Variants in ZFYVE26 observed in about 807,000 individuals in gnomAD.
ZFYVE26 encodes the protein zinc finger FYVE-type containing 26.
ZFYVE26 carries 181 observed loss-of-function variants against 276.5 expected under a neutral mutation model. That is an observed-to-expected ratio of 0.65 (90% CI 0.58 to 0.74). The LOEUF (loss-of-function observed/expected upper bound fraction) is 0.74, where lower values mean the gene tolerates loss of function less well. Ranked by LOEUF, ZFYVE26 falls within the 30% of genes least tolerant of loss-of-function variation. The pLI is 0.00. For missense variants in ZFYVE26, 2,821 were observed against 3,097.9 expected (o/e 0.91, Z 2.12); for synonymous variants, 1,129 against 1,203.1 (o/e 0.94, Z 1.27).
chr14:67,776,098 C>A lies in ZFYVE26; in HGVS notation c.4983G>T (p.Leu1661=). The A allele has an allele frequency of 1.2e-6, 2 of 1,614,098 alleles. No individual in the cohort carries two copies. Among genetic ancestry groups the A allele is most frequent in the South Asian group, 2.2e-5 (2 of 91,046 alleles). Residue 1661 remains leucine, a synonymous_variant, in exon 26 of 42, where the codon CTG becomes CTT. Coordinates refer to ENST00000347230, the MANE Select transcript of ZFYVE26 (RefSeq NM_015346.4). ...QALYVGSKIL[L]TLPEQHRASY... Reference sequence around the variant, plus strand: ...TGGCCCGGTGCTGCTCAGGCAGGGTCAGCAGAATCTGTTTGTGGGGTAGAT... The same window carrying A: ...TGGCCCGGTGCTGCTCAGGCAGGGTAAGCAGAATCTGTTTGTGGGGTAGAT...
intron 35 of ZFYVE26, among the ~76,000 whole-genome samples, chr14:67,757,640 G>GTCTTTCTTTCTTTCTTTCTTTCTTTCTT (rs57285258): frequency 6.7e-6 from 1 of 148,898 alleles, no homozygotes; most frequent in Admixed American, 6.7e-5. Context: ...AGATATTTTT[G>GTCTTTCTTTCTTTCTTTCTTTCTTTCTT]TCTTTCTTTC....
chr14:67,783,645 C>CT, intron 20 of ZFYVE26, 120 bp from the exon 21 acceptor site: 1 of 1,344,898 alleles, frequency 7.4e-7, no homozygotes, highest in Non-Finnish European at 1.0e-6. Context: ...TTGTCACACT[C>CT]TTTTTTTAAA....
intron 9 of ZFYVE26, among the ~76,000 whole-genome samples, chr14:67,803,398 G>A (rs1222797367): frequency 6.6e-6 from 1 of 152,156 alleles, no homozygotes; most frequent in African/African-American, 2.4e-5. Context: ...CTGGAGTACA[G>A]TGGCACCATC....
chr14:67,769,489 T>C (rs1871258579), intron 29 of ZFYVE26, 105 bp downstream of exon 29: 5 of 1,533,298 alleles, frequency 3.3e-6, no homozygotes, highest in Non-Finnish European at 1.8e-6. Context: ...ATGTTAAACA[T>C]TTCTGGATTT....
chr14:67,761,000 A>G (rs1381339593), intron 35 of ZFYVE26: 4 of 542,542 alleles, frequency 7.4e-6, no homozygotes. Flanking sequence ...ATCCCAGGCC[A>G]GGTAGGGAGG....
intron 13 of ZFYVE26, 125 bp downstream of exon 13, chr14:67,794,046 C>A: frequency 1.8e-6 from 2 of 1,082,756 alleles, no homozygotes; most frequent in South Asian, 1.3e-5. Context: ...CAGCTAAAAT[C>A]TGGCCATCTG....
At chr14:67,794,084 T>TTA in intron 13 of ZFYVE26, 87 bp downstream of exon 13, 1 of 1,430,258 alleles carries the variant, frequency 7.0e-7, no homozygotes, top group South Asian at 1.2e-5. Context: ...CCTTGACTGC[T>TTA]CAATCCTGGC....
In ZFYVE26 at chr14:67,798,391, G is replaced by A. The variant is rs2040004631; in HGVS notation, c.1871C>T (p.Ala624Val). The change falls in exon 11 of 42, where the codon GCA becomes GTA. Residue 624 changes from alanine to valine, a missense_variant. By Grantham distance (64) the Ala-to-Val change is moderately conservative (BLOSUM62 0). Transcript: ENST00000347230. ...CCGTTCTGACTTCCTTTCAGGATGT[G>A]CTATGTGCTGAGGGCTCTCTGATGG... ...RSPSESPQHI[A>V]HPERKSERGS... 1 of 1,612,404 alleles carries A rather than the reference G, an allele frequency of 6.2e-7. No individual in the cohort carries two copies. The highest frequency in any genetic ancestry group is 8.5e-7 in the Non-Finnish European group (1 of 1,178,896).
chr14:67,805,363 A>T (rs1487442911), intron 7 of ZFYVE26, 58 bp from the exon 8 acceptor site: 2 of 1,613,560 alleles, frequency 1.2e-6, no homozygotes, highest in Non-Finnish European at 1.7e-6. Context: ...GTTACAGATT[A>T]TGACTGATTT....
chr14:67,805,101 T>A (rs1265390690), intron 8 of ZFYVE26, 116 bp downstream of exon 8: 10 of 970,684 alleles, frequency 1.0e-5, no homozygotes, highest in African/African-American at 1.6e-5. Context: ...TAGTAGCTGG[T>A]CAACATTGCC....
intron 6 of ZFYVE26, 148 bp from the exon 7 acceptor site, chr14:67,805,766 T>G: frequency 1.1e-6 from 1 of 951,452 alleles, no homozygotes; most frequent in Non-Finnish European, 1.6e-6. Context: ...TAGTGGCTCA[T>G]GCCTGTAATC....
intron 23 of ZFYVE26, among the ~76,000 whole-genome samples, chr14:67,778,988 G>A (rs1013205797): frequency 6.6e-6 from 1 of 152,130 alleles, no homozygotes; most frequent in Non-Finnish European, 1.5e-5. Flanking sequence ...TCCAAAATGT[G>A]AGCCACTCCA....
At chr14:67,799,419 A>C (rs1279983091) in intron 10 of ZFYVE26, 2 of 1,612,936 alleles carry the variant, frequency 1.2e-6, no homozygotes, top group African/African-American at 2.7e-5. Context: ...GAAGAGGCCA[A>C]AGAAGCAGAA....
Position 67,785,230 on chromosome 14 carries a change from T to G in ZFYVE26, c.3352A>C (p.Lys1118Gln). The G allele has an allele frequency of 6.2e-7, 1 of 1,613,548 alleles. No individual in the cohort carries two copies. Among genetic ancestry groups the G allele is most frequent in the Non-Finnish European group, 8.5e-7 (1 of 1,179,672 alleles). Reference sequence around the variant, plus strand: ...GGGTGGGCCTCTGCCTCTGGAGCTTTCTGGGCTGCCTGCTCCACCAGGGAA... The same window carrying G: ...GGGTGGGCCTCTGCCTCTGGAGCTTGCTGGGCTGCCTGCTCCACCAGGGAA... The part of the protein sequence containing the change: ...LSSLVEQAAQ[K>Q]APEAEAHPVQ... The change falls in exon 19 of 42, where the codon AAA (lysine) becomes CAA (glutamine). Residue 1118 changes from lysine (K) to glutamine (Q), a missense_variant. Coordinates refer to ENST00000347230, the MANE Select transcript of ZFYVE26 (RefSeq NM_015346.4).
intron 14 of ZFYVE26, among the ~76,000 whole-genome samples, chr14:67,791,452 G>A (rs2039810759): frequency 6.6e-6 from 1 of 152,142 alleles, no homozygotes; most frequent in Admixed American, 6.5e-5. Flanking sequence ...ATGATATAAA[G>A]TTTTAGATTT....
chr14:67,729,093 A>C, intron 14 of ZFYVE26: 19 of 1,181,860 alleles, frequency 1.6e-5, no homozygotes, highest in African/African-American at 3.0e-5. Flanking sequence ...ATGTTTCCTG[A>C]GTCCCTCCTT....
At chr14:67,799,869 C>T (rs2040043553) in intron 10 of ZFYVE26, among the ~76,000 whole-genome samples, 1 of 152,120 alleles carries the variant, frequency 6.6e-6, no homozygotes, top group Non-Finnish European at 1.5e-5. Flanking sequence ...CAGTGTCCTT[C>T]CTGACAGCAC....
In ZFYVE26 at chr14:67,754,694, GT is replaced by G. The variant is rs1306560013; in HGVS notation, c.6986+356del. ...AGCTGAGAGGAATTAAGGACTTGGT[GT>G]GTTGAGGAGCCCTGAGGAGGCCAGG... On this transcript the variant is annotated intron_variant, in intron 37 of 41. Coordinates refer to ENST00000347230, the MANE Select transcript of ZFYVE26 (RefSeq NM_015346.4). Among the ~76,000 whole-genome samples the G allele has an allele frequency of 5.3e-5, 8 of 152,376 alleles. No individual in the cohort carries two copies. In the East Asian group the frequency reaches 1.5e-3, roughly 29 times the overall value.
intron 35 of ZFYVE26, among the ~76,000 whole-genome samples, chr14:67,759,114 G>A (rs1053865936): frequency 2.6e-5 from 4 of 151,362 alleles, no homozygotes; most frequent in African/African-American, 4.9e-5. Context: ...GTATGGTGGC[G>A]GGCGCTTGTA....
Sources: gnomAD v4.1 joint callset for allele counts (sites outside exome capture counted in the v4.1 genomes callset) on GRCh38, gnomAD v4.1.1 for gene constraint, MANE v1.5 for transcripts, NCBI Gene and HGNC (gene_info 2026-07-23, HGNC 2026-07-21) for gene names.